SOX6: variants seen among roughly 807,000 people sequenced by gnomAD.
SOX6 encodes the protein transcription factor SOX-6.
SOX6 carries 11 observed loss-of-function variants against 97.8 expected under a neutral mutation model. The ratio of observed to expected loss-of-function variants is 0.11; its 90% confidence interval spans 0.07 to 0.19. The LOEUF (loss-of-function observed/expected upper bound fraction) is 0.19, where lower values mean the gene tolerates loss of function less well. Ranked by LOEUF, SOX6 falls within the 10% of genes least tolerant of loss-of-function variation. SOX6 has a pLI of 1.00. For synonymous variants in SOX6, 360 were observed against 371.4 expected, an observed-to-expected ratio of 0.97 and a Z score of 0.35; for missense variants, 810 against 1,039.5, an observed-to-expected ratio of 0.78 and a Z score of 3.04.
At chr11:16,583,614 CATAT>C (rs534690651) in intron 4 of SOX6, among the ~76,000 whole-genome samples, 1,805 of 104,710 alleles carry the variant, frequency 0.017, 84 homozygotes, top group East Asian at 0.059. Context: ...TATATATATA[CATAT>C]ATATATATAT....
chr11:16,510,137 G>A (rs1309508587), intron 4 of SOX6, among the ~76,000 whole-genome samples: 1 of 152,008 alleles, frequency 6.6e-6, no homozygotes, highest in Non-Finnish European at 1.5e-5. Context: ...GGAAAAGGTT[G>A]CCACTCTCAA....
chr11:15,998,097 TAAATA>T lies in SOX6; in HGVS notation c.1733-8872_1733-8868del, dbSNP rs532464051. ...TCCATCTCAAAAAAATAAAATAAAA[TAAATA>T]AAATAAAATAAAATAAAAAATAAAA... is the stretch of plus-strand genomic sequence containing the variant. On this transcript the variant is annotated intron_variant, in intron 13 of 15. Transcript: ENST00000683767. Among the ~76,000 whole-genome samples, 356 of 149,932 alleles carry T rather than the reference TAAATA, an allele frequency of 2.4e-3. 1 individual carries two copies. The highest frequency in any genetic ancestry group is 8.0e-3 in the African/African-American group (328 of 40,970).
chr11:16,466,647 C>T (rs1454886151), intron 1 of SOX6, among the ~76,000 whole-genome samples: 1 of 150,968 alleles, frequency 6.6e-6, no homozygotes, highest in African/African-American at 2.4e-5. Context: ...ACAAACAACT[C>T]CGGCCGGGCG....
rs917464694 is a variant in SOX6 at position 16,097,331 on chromosome 11, T to C, written c.978+278A>G. On this transcript the variant is annotated intron_variant, in intron 8 of 15. Coordinates refer to ENST00000683767, the MANE Select transcript of SOX6 (RefSeq NM_001367873.1). ...AACTAACAAGGAAAAAGCTAACATGTATGCAGTAACAACTAGCCATTGAAA... is the reference window on the plus strand; with the variant it reads ...AACTAACAAGGAAAAAGCTAACATGCATGCAGTAACAACTAGCCATTGAAA... 1.3e-5 allele frequency among the ~76,000 whole-genome samples: 2 copies of C among 151,888 alleles called. 1 individual carries two copies. The highest frequency in any genetic ancestry group is 4.1e-4 in the South Asian group (2 of 4,830).
intron 4 of SOX6, among the ~76,000 whole-genome samples, chr11:16,547,165 G>A (rs1847631101): frequency 6.6e-6 from 1 of 152,146 alleles, no homozygotes; most frequent in Non-Finnish European, 1.5e-5. Flanking sequence ...CTCTTAGTGG[G>A]AATGTAAATT....
chr11:16,194,915 T>C (rs1188626881), intron 4 of SOX6, among the ~76,000 whole-genome samples: 1 of 152,206 alleles, frequency 6.6e-6, no homozygotes, highest in African/African-American at 2.4e-5. Context: ...AGACTGTCTT[T>C]ACATTACTGT....
intron 1 of SOX6, among the ~76,000 whole-genome samples, chr11:16,372,724 C>T (rs923374788): frequency 6.6e-6 from 1 of 152,082 alleles, no homozygotes; most frequent in Admixed American, 6.6e-5. Context: ...ATAAAATCAT[C>T]ATTAACCACC....
chr11:16,229,306 T>G (rs1590046924), intron 4 of SOX6, among the ~76,000 whole-genome samples: 1 of 152,064 alleles, frequency 6.6e-6, no homozygotes, highest in Non-Finnish European at 1.5e-5. Flanking sequence ...AATATATTCA[T>G]AGCCAAAAGT....
chr11:16,283,458 T>C (rs901653400), intron 3 of SOX6, among the ~76,000 whole-genome samples: 1 of 151,666 alleles, frequency 6.6e-6, no homozygotes, highest in Non-Finnish European at 1.5e-5. Context: ...GGTGAAACAA[T>C]AAATTATCCC....
In SOX6 at chr11:16,570,242, G is replaced by A. The variant is rs74446364; in HGVS notation, n.609+41839C>T. The stretch of plus-strand genomic sequence containing the variant: ...TCCTAACAACTATTAAATTCATTGA[G>A]CTCAGAGATGCATGGTAATTATTTT... On this transcript the variant is annotated intron_variant and non_coding_transcript_variant, in intron 4 of 5. Transcript: ENST00000524520. 8.1e-3 allele frequency among the ~76,000 whole-genome samples: 1,225 copies of A among 152,112 alleles called. 13 individuals are homozygous for A. The highest frequency in any genetic ancestry group is 0.028 in the African/African-American group (1,169 of 41,504).
At chr11:16,410,739 A>G (rs1858789576) in intron 1 of SOX6, among the ~76,000 whole-genome samples, 1 of 147,612 alleles carries the variant, frequency 6.8e-6, no homozygotes, top group African/African-American at 2.5e-5. Flanking sequence ...AGCCTGGGCA[A>G]CAGAGCAAGA....
At position 16,605,189 on chromosome 11, in the gene SOX6, G is replaced by A. The variant is rs1848320547; in HGVS notation, n.609+6892C>T. On this transcript the variant is annotated intron_variant and non_coding_transcript_variant, in intron 4 of 5. Transcript: ENST00000524520. The surrounding 1 kb of genome is among the most constrained non-coding windows in gnomAD (Gnocchi z 5.3). Reference sequence around the variant, plus strand: ...GAGGAACGGCGGGTGGCGGGGCCCCGGCAGGGCGCCGAGAAGGACGGAGGG... The same window carrying A: ...GAGGAACGGCGGGTGGCGGGGCCCCAGCAGGGCGCCGAGAAGGACGGAGGG... 6.6e-6 allele frequency among the ~76,000 whole-genome samples: 1 copy of A among 151,934 alleles called. No homozygotes were observed. Among genetic ancestry groups the A allele is most frequent in the Admixed American group, 6.6e-5 (1 of 15,264 alleles).
chr11:16,530,228 G>T (rs1861220280), intron 4 of SOX6, among the ~76,000 whole-genome samples: 1 of 152,032 alleles, frequency 6.6e-6, no homozygotes. Context: ...GATCAAGAGA[G>T]ATAATAATTG....
intron 1 of SOX6, among the ~76,000 whole-genome samples, chr11:16,462,224 T>C (rs951091532): frequency 6.6e-6 from 1 of 152,254 alleles, no homozygotes; most frequent in African/African-American, 2.4e-5. Context: ...GTCAGAACAC[T>C]TCTCACTATG....
At position 16,076,734 on chromosome 11, in the gene SOX6, C is replaced by CT. The variant is rs1564941216; in HGVS notation, c.1101+19261_1101+19262insA. On this transcript the variant is annotated intron_variant, in intron 9 of 15. Transcript: ENST00000683767. The stretch of plus-strand genomic sequence containing the variant: ...AGAGAGAGAAGGGGGAGGTACTACA[C>CT]ATTTTTTTTTTTTTTTTTTTTTTTT... Among the ~76,000 whole-genome samples the CT allele has an allele frequency of 8.3e-5, 10 of 120,188 alleles. 1 individual carries two copies. Among genetic ancestry groups the CT allele is most frequent in the African/African-American group, 3.6e-4 (10 of 28,130 alleles). 78.8% of individuals were successfully genotyped at this position (120,188 alleles called of 152,430 possible).
At chr11:16,158,995 A>G (rs1850673276) in intron 6 of SOX6, among the ~76,000 whole-genome samples, 1 of 151,866 alleles carries the variant, frequency 6.6e-6, no homozygotes, top group Admixed American at 6.6e-5. Context: ...CAGACTTTGA[A>G]ATTATTATTT....
At chr11:16,376,596 C>T (rs1398978747) in intron 1 of SOX6, among the ~76,000 whole-genome samples, 1 of 152,086 alleles carries the variant, frequency 6.6e-6, no homozygotes, top group Non-Finnish European at 1.5e-5. Flanking sequence ...GAAGCATATG[C>T]AAATTGAGTT....
At chr11:16,723,810 C>A (rs1464001795) in intron 2 of SOX6, among the ~76,000 whole-genome samples, 2 of 151,998 alleles carry the variant, frequency 1.3e-5, no homozygotes, top group African/African-American at 4.8e-5. Flanking sequence ...AAAAGTCCAA[C>A]CTCTCGATTT....
intron 1 of SOX6, among the ~76,000 whole-genome samples, chr11:16,454,724 C>T (rs949625853): frequency 2.0e-4 from 30 of 152,112 alleles, no homozygotes; most frequent in African/African-American, 7.2e-4. Context: ...AGAAATTGAG[C>T]CAAAGTAACC....
Sources: gnomAD v4.1 joint callset for allele counts (sites outside exome capture counted in the v4.1 genomes callset) on GRCh38, gnomAD v4.1.1 for gene constraint, Gnocchi (gnomAD v3.1) non-coding constraint, MANE v1.5 for transcripts, NCBI Gene and HGNC (gene_info 2026-07-23, HGNC 2026-07-21) for gene names.